SFI1: variants seen among roughly 807,000 people sequenced by gnomAD.
SFI1 encodes protein SFI1 homolog.
A neutral mutation model predicts 207.5 loss-of-function variants in SFI1; 195 were observed. The observed-to-expected ratio is 0.94, with a 90% CI of 0.84 to 1.06. The LOEUF (loss-of-function observed/expected upper bound fraction) is 1.06. Among genes scored for constraint, SFI1 ranks in the 50% least tolerant of loss-of-function variants. The pLI is 0.00. For missense variants in SFI1, 1,634 were observed against 1,588.0 expected (o/e 1.03, Z -0.49); for synonymous variants, 630 against 598.9 (o/e 1.05, Z -0.76).
At chr22:31,566,980 A>G (rs1363424988) in intron 8 of SFI1, among the ~76,000 whole-genome samples, 1 of 151,894 alleles carries the variant, frequency 6.6e-6, no homozygotes, top group Non-Finnish European at 1.5e-5. Context: ...ATCTCGGCTC[A>G]CTGCAAGCTC....
intron 6 of SFI1, among the ~76,000 whole-genome samples, chr22:31,556,698 G>A (rs529361354): frequency 5.9e-5 from 9 of 152,170 alleles, no homozygotes; most frequent in Non-Finnish European, 1.3e-4. Flanking sequence ...AAAGCAAAGG[G>A]TTTTTGAGCA....
intron 16 of SFI1, 85 bp from the exon 17 acceptor site, chr22:31,602,522 A>G: frequency 1.3e-6 from 2 of 1,488,700 alleles, no homozygotes; most frequent in Middle Eastern, 1.8e-4. Context: ...CTTAGTCATT[A>G]TTTGTGGCCT....
chr22:31,613,922 G>A (rs2070858500), intron 27 of SFI1, 67 bp downstream of exon 27: 1 of 1,502,034 alleles, frequency 6.7e-7, no homozygotes, highest in Non-Finnish European at 8.9e-7. Context: ...GCATAGCAGG[G>A]AGGAAAACAG....
In SFI1 at chr22:31,498,324, C is replaced by A. The variant is rs2413053; in HGVS notation, c.-31+1687C>A. 1.3e-3 allele frequency among the ~76,000 whole-genome samples: 198 copies of A among 151,694 alleles called. 1 individual carries two copies. Among genetic ancestry groups the A allele is most frequent in the Non-Finnish European group, 2.4e-3 (166 of 67,964 alleles). On this transcript the variant is annotated intron_variant, in intron 1 of 32. Transcript: ENST00000400288. ...AAAAAATATATATATATTTTGTGAC[C>A]CCATAGCTGCCATAGGTAGTGATTC...
At position 31,545,564 on chromosome 22, in the gene SFI1, A is replaced by ATTTT. The variant is rs1569269114; in HGVS notation, c.339-1297_339-1296insTTTT. On this transcript the variant is annotated intron_variant, in intron 4 of 32. Coordinates refer to ENST00000400288, the MANE Select transcript of SFI1 (RefSeq NM_001007467.3). Reference sequence around the variant, plus strand: ...TGGAGTTTTTAATTTAATTTAATTTAATTTAATTTAATTTAATTTAATTTT... The same window carrying ATTTT: ...TGGAGTTTTTAATTTAATTTAATTTATTTTATTTAATTTAATTTAATTTAATTTT... 6.0e-4 allele frequency among the ~76,000 whole-genome samples: 76 copies of ATTTT among 126,296 alleles called. No individual in the cohort carries two copies. In the East Asian group the frequency reaches 0.014, roughly 24 times the overall value. 82.9% of individuals were successfully genotyped at this position (126,296 alleles called of 152,430 possible).
At chr22:31,591,848 C>T (rs1400387709) in intron 15 of SFI1, among the ~76,000 whole-genome samples, 2 of 62,610 alleles carry the variant, frequency 3.2e-5, no homozygotes, top group Non-Finnish European at 5.8e-5. Context: ...CCAGTAGGGG[C>T]GGCCGGGCAG....
intron 4 of SFI1, among the ~76,000 whole-genome samples, chr22:31,531,893 CAAA>C (rs747573343): frequency 4.5e-5 from 5 of 111,740 alleles, no homozygotes; most frequent in Non-Finnish European, 5.7e-5. Flanking sequence ...AAGTCCCTCT[CAAA>C]AAAAAAAAAA....
intron 1 of SFI1, among the ~76,000 whole-genome samples, chr22:31,501,757 TTGTG>T (rs900556065): frequency 6.6e-6 from 1 of 152,202 alleles, no homozygotes; most frequent in African/African-American, 2.4e-5. Context: ...ACATTTTTGA[TTGTG>T]TGGTACTCTC....
chr22:31,545,564 A>ATTTTATTTT (rs1569269114), intron 4 of SFI1, among the ~76,000 whole-genome samples: 2 of 126,298 alleles, frequency 1.6e-5, no homozygotes, highest in Admixed American at 9.0e-5. Flanking sequence ...AATTTAATTT[A>ATTTTATTTT]ATTTAATTTA....
At chr22:31,592,978 C>T (rs1273511452) in intron 15 of SFI1, among the ~76,000 whole-genome samples, 4 of 92,914 alleles carry the variant, frequency 4.3e-5, no homozygotes, top group Non-Finnish European at 8.8e-5. Context: ...GCTGGCCGGG[C>T]GGGGGGCTGA....
At chr22:31,610,213 T>C (rs1462608605) in intron 22 of SFI1, among the ~76,000 whole-genome samples, 1 of 152,220 alleles carries the variant, frequency 6.6e-6, no homozygotes, top group Non-Finnish European at 1.5e-5. Context: ...AGACCCATTA[T>C]GCAGAGTGCT....
chr22:31,532,307 C>T (rs2058605931), intron 4 of SFI1, among the ~76,000 whole-genome samples: 1 of 152,042 alleles, frequency 6.6e-6, no homozygotes, highest in African/African-American at 2.4e-5. Context: ...TTTGTATAGA[C>T]CAGTGCTGCC....
intron 2 of SFI1, among the ~76,000 whole-genome samples, chr22:31,521,021 A>AG (rs1432901682): frequency 1.3e-5 from 2 of 150,882 alleles, no homozygotes; most frequent in East Asian, 3.9e-4. Flanking sequence ...AAAAAAAAAA[A>AG]AAAAAGTAGA....
chr22:31,599,084 G>A (rs1054615466), intron 15 of SFI1, among the ~76,000 whole-genome samples: 4 of 151,482 alleles, frequency 2.6e-5, no homozygotes, highest in Admixed American at 2.0e-4. Context: ...GAGCCACCGC[G>A]CCCGGCCCAA....
At chr22:31,568,187 G>GTGTGTGT (rs144059785) in intron 8 of SFI1, among the ~76,000 whole-genome samples, 1 of 111,290 alleles carries the variant, frequency 9.0e-6, no homozygotes, top group Non-Finnish European at 1.9e-5. Context: ...GTGTGTGTGT[G>GTGTGTGT]TGTGTGTTGT....
intron 2 of SFI1, among the ~76,000 whole-genome samples, chr22:31,519,498 A>C (rs1470795198): frequency 6.6e-6 from 1 of 150,818 alleles, no homozygotes; most frequent in South Asian, 2.1e-4. Context: ...GTGCAGTGGC[A>C]TGATCTTGGC....
intron 12 of SFI1, among the ~76,000 whole-genome samples, chr22:31,581,541 C>G (rs2064181323): frequency 6.6e-6 from 1 of 152,132 alleles, no homozygotes; most frequent in East Asian, 1.9e-4. Context: ...ATCCACCTGC[C>G]TCGGCCTCCT....
chr22:31,562,350 A>G (rs2061792607), intron 8 of SFI1, among the ~76,000 whole-genome samples: 1 of 151,956 alleles, frequency 6.6e-6, no homozygotes, highest in Non-Finnish European at 1.5e-5. Flanking sequence ...TAGCAAGGAA[A>G]TAAGAGACAC....
At chr22:31,504,228 G>A (rs906769902) in intron 1 of SFI1, among the ~76,000 whole-genome samples, 1 of 152,126 alleles carries the variant, frequency 6.6e-6, no homozygotes, top group African/African-American at 2.4e-5. Context: ...GTGACACATT[G>A]ATTATAGCAG....
Sources: gnomAD v4.1 joint callset for allele counts (sites outside exome capture counted in the v4.1 genomes callset) on GRCh38, gnomAD v4.1.1 for gene constraint, MANE v1.5 for transcripts, NCBI Gene and HGNC (gene_info 2026-07-23, HGNC 2026-07-21) for gene names.